CSMD1: variants seen among roughly 807,000 people sequenced by gnomAD.
The protein encoded by CSMD1 is CUB and sushi domain-containing protein 1.
CSMD1 carries 213 observed loss-of-function variants against 417.5 expected under a neutral mutation model. The ratio of observed to expected loss-of-function variants is 0.51; its 90% confidence interval spans 0.46 to 0.57. The LOEUF (loss-of-function observed/expected upper bound fraction) is 0.57, where lower values mean the gene tolerates loss of function less well. Among genes scored for constraint, CSMD1 ranks in the 20% least tolerant of loss-of-function variants. The probability of loss-of-function intolerance (pLI) is 0.00; values close to 1 mark genes in which losing one functional copy is unlikely to be tolerated. For missense variants in CSMD1, 6,923 were observed against 4,529.7 expected (o/e 1.53, Z -15.17); for synonymous variants, 2,862 against 1,736.8 (o/e 1.65, Z -16.11).
chr8:4,864,437 G>A (rs1563621819), intron 1 of CSMD1, among the ~76,000 whole-genome samples: 2 of 151,904 alleles, frequency 1.3e-5, no homozygotes, highest in African/African-American at 2.4e-5. Flanking sequence ...CCACAAATTT[G>A]CCTTTAATTA....
chr8:3,953,394 T>C (rs770287043), intron 5 of CSMD1, among the ~76,000 whole-genome samples: 1 of 152,198 alleles, frequency 6.6e-6, no homozygotes, highest in East Asian at 1.9e-4. Context: ...TATACTTAGA[T>C]ATTCATGTGT....
intron 1 of CSMD1, among the ~76,000 whole-genome samples, chr8:4,918,300 G>C (rs1035285823): frequency 6.6e-6 from 1 of 152,142 alleles, no homozygotes; most frequent in Non-Finnish European, 1.5e-5. Flanking sequence ...GTATTTATGA[G>C]CTTCGAAAAT....
At chr8:3,629,381 G>C (rs1350665125) in intron 7 of CSMD1, among the ~76,000 whole-genome samples, 1 of 152,092 alleles carries the variant, frequency 6.6e-6, no homozygotes, top group Non-Finnish European at 1.5e-5. Flanking sequence ...TGTGTATTTA[G>C]TTACATATAG....
rs567620401 is a variant in CSMD1, at chr8:3,465,285, G to C, written c.1561+3427C>G. ...TGCTTTCTGAAAAATGCTCCTAAAAGGGTCCATTAACTGAGTAGACCCTCC... is the reference window on the plus strand; with the variant it reads ...TGCTTTCTGAAAAATGCTCCTAAAACGGTCCATTAACTGAGTAGACCCTCC... On this transcript the variant is annotated intron_variant, in intron 12 of 69. Transcript: ENST00000635120. Among the ~76,000 whole-genome samples, 4 of 152,238 alleles carry C rather than the reference G, an allele frequency of 2.6e-5. No individual in the cohort carries two copies. The East Asian group carries it at 7.8e-4, about 30-fold the overall frequency.
chr8:4,176,705 CAT>C (rs1464104039), intron 3 of CSMD1, among the ~76,000 whole-genome samples: 1 of 150,582 alleles, frequency 6.6e-6, no homozygotes, highest in Non-Finnish European at 1.5e-5. Context: ...CAGAGACACA[CAT>C]AGGCTCAAAA....
chr8:4,096,781 C>A (rs548203712), intron 3 of CSMD1, among the ~76,000 whole-genome samples: 1 of 152,132 alleles, frequency 6.6e-6, no homozygotes, highest in Non-Finnish European at 1.5e-5. Context: ...AAGACACTTG[C>A]GGAGTTGCAC....
At chr8:3,503,818 C>CT (rs1283375595) in intron 10 of CSMD1, among the ~76,000 whole-genome samples, 2 of 150,064 alleles carry the variant, frequency 1.3e-5, no homozygotes, top group East Asian at 3.9e-4. Flanking sequence ...CCTCCATCTC[C>CT]CCCCATCCCC....
At chr8:3,690,457 T>G (rs193174881) in intron 7 of CSMD1, among the ~76,000 whole-genome samples, 1 of 152,348 alleles carries the variant, frequency 6.6e-6, no homozygotes, top group East Asian at 1.9e-4. Context: ...GTCACAGTAG[T>G]GTTCAAGGCT....
intron 50 of CSMD1, among the ~76,000 whole-genome samples, chr8:3,036,097 G>T (rs1018530828): frequency 2.0e-5 from 3 of 152,130 alleles, no homozygotes; most frequent in South Asian, 2.1e-4. Flanking sequence ...AAGACACATT[G>T]CCCTGACTTG....
chr8:4,028,564 G>T (rs778885593), intron 4 of CSMD1, among the ~76,000 whole-genome samples: 4 of 152,146 alleles, frequency 2.6e-5, no homozygotes, highest in African/African-American at 9.7e-5. Flanking sequence ...AAAGCATACT[G>T]AAGGAAATAA....
chr8:4,744,259 G>C (rs559572858), intron 1 of CSMD1, among the ~76,000 whole-genome samples: 43 of 152,296 alleles, frequency 2.8e-4, no homozygotes, highest in Middle Eastern at 3.4e-3. Flanking sequence ...GTACAGCTCA[G>C]GGGCTTGAAC....
At chr8:3,692,105 G>C (rs932776650) in intron 7 of CSMD1, among the ~76,000 whole-genome samples, 2 of 152,154 alleles carry the variant, frequency 1.3e-5, no homozygotes, top group Admixed American at 6.5e-5. Flanking sequence ...CTCATCTGGA[G>C]AGGCCTGGGG....
At chr8:4,807,630 A>G (rs1424170936) in intron 1 of CSMD1, among the ~76,000 whole-genome samples, 1 of 152,198 alleles carries the variant, frequency 6.6e-6, no homozygotes, top group Non-Finnish European at 1.5e-5. Context: ...TAATCCTAAT[A>G]CATATGAATA....
chr8:4,590,297 A>G (rs1799920873), intron 2 of CSMD1, among the ~76,000 whole-genome samples: 1 of 152,164 alleles, frequency 6.6e-6, no homozygotes, highest in South Asian at 2.1e-4. Context: ...TCTGGGAAGC[A>G]GACATGGACT....
chr8:3,289,072 C>A (rs143995647), intron 25 of CSMD1, among the ~76,000 whole-genome samples: 2 of 146,508 alleles, frequency 1.4e-5, no homozygotes, highest in Non-Finnish European at 2.9e-5. Context: ...GGAGAACATG[C>A]GGTATTTAGT....
At chr8:3,832,791 G>C (rs578129391) in intron 5 of CSMD1, among the ~76,000 whole-genome samples, 5 of 152,230 alleles carry the variant, frequency 3.3e-5, no homozygotes, top group African/African-American at 7.2e-5. Flanking sequence ...ATCCAGATTA[G>C]AAATACCTTC....
chr8:4,543,603 T>G (rs1398351874), intron 2 of CSMD1, among the ~76,000 whole-genome samples: 1 of 132,804 alleles, frequency 7.5e-6, no homozygotes, highest in Admixed American at 8.8e-5. Flanking sequence ...TGTATGAACA[T>G]AAGTTTCAAT....
chr8:4,873,252 C>T (rs1022261884), intron 1 of CSMD1, among the ~76,000 whole-genome samples: 2 of 152,018 alleles, frequency 1.3e-5, no homozygotes, highest in Non-Finnish European at 2.9e-5. Flanking sequence ...GTTTGAAATT[C>T]ACTCAGATCA....
At chr8:4,973,517 T>G (rs1259743642) in intron 1 of CSMD1, among the ~76,000 whole-genome samples, 1 of 152,204 alleles carries the variant, frequency 6.6e-6, no homozygotes, top group Non-Finnish European at 1.5e-5. Flanking sequence ...TGTTGAATTC[T>G]ATAGAATCCT....
Sources: allele counts gnomAD v4.1 joint callset (sites outside exome capture counted in the v4.1 genomes callset), GRCh38; gene constraint gnomAD v4.1.1; transcripts MANE v1.5; gene names NCBI Gene and HGNC (gene_info 2026-07-23, HGNC 2026-07-21).